Variants in C1orf146 observed in about 807,000 individuals in gnomAD.
C1orf146 encodes chromosome 1 open reading frame 146.
In C1orf146, 22 loss-of-function variants were observed where a neutral mutation model predicts 23.0. The ratio of observed to expected loss-of-function variants is 0.96; its 90% CI spans 0.68 to 1.36. The LOEUF (loss-of-function observed/expected upper bound fraction) is 1.36, where lower values mean the gene tolerates loss of function less well. Ranked by LOEUF, C1orf146 falls within the 40% of genes most tolerant of loss-of-function variation. The pLI, the probability that C1orf146 is intolerant of heterozygous loss-of-function variation, is 0.00. For missense variants in C1orf146, 199 were observed against 206.8 expected (o/e 0.96, Z 0.23); for synonymous variants, 59 against 65.3 (o/e 0.90, Z 0.47).
intron 4 of C1orf146, 102 bp from the exon 5 acceptor site, chr1:92,244,677 A>G (rs1652530658): frequency 1.3e-6 from 1 of 777,078 alleles, no homozygotes; most frequent in Admixed American, 2.2e-5. Context: ...ATGAATGCAT[A>G]GACAAATAAC....
intron 2 of C1orf146, among the ~76,000 whole-genome samples, chr1:92,235,828 C>A (rs1432591592): frequency 6.6e-6 from 1 of 152,122 alleles, no homozygotes; most frequent in African/African-American, 2.4e-5. Context: ...GGATAGTTAG[C>A]TCCTCTTGTT....
chr1:92,236,728 C>T (rs1247937292), intron 2 of C1orf146, among the ~76,000 whole-genome samples: 20 of 152,174 alleles, frequency 1.3e-4, no homozygotes, highest in African/African-American at 3.9e-4. Context: ...CCATTCTCCC[C>T]GTCACTTTCA....
At chr1:92,236,974 A>T (rs1431475406) in intron 2 of C1orf146, among the ~76,000 whole-genome samples, 2 of 152,080 alleles carry the variant, frequency 1.3e-5, no homozygotes, top group Non-Finnish European at 2.9e-5. Context: ...TCCTTTAAGC[A>T]CTTCTCTGTA....
chr1:92,227,373 T>G (rs1651992907), intron 1 of C1orf146, among the ~76,000 whole-genome samples: 1 of 152,122 alleles, frequency 6.6e-6, no homozygotes, highest in Non-Finnish European at 1.5e-5. Flanking sequence ...AAACCCTGTC[T>G]CTACTAAAAA....
chr1:92,236,579 T>G (rs1305913824), intron 2 of C1orf146, among the ~76,000 whole-genome samples: 1 of 152,156 alleles, frequency 6.6e-6, no homozygotes, highest in Non-Finnish European at 1.5e-5. Flanking sequence ...ATCTGACAAT[T>G]ATGTGTCTTG....
intron 1 of C1orf146, among the ~76,000 whole-genome samples, chr1:92,224,353 G>T (rs1162757861): frequency 2.0e-5 from 3 of 152,014 alleles, no homozygotes; most frequent in Non-Finnish European, 4.4e-5. Context: ...CGGCCAGAGA[G>T]AAGTTTTTAA....
chr1:92,241,138 A>G (rs898751868), intron 2 of C1orf146, among the ~76,000 whole-genome samples: 3 of 151,398 alleles, frequency 2.0e-5, no homozygotes, highest in Non-Finnish European at 2.9e-5. Context: ...ACAACCACCT[A>G]TTTTCCATAG....
chr1:92,228,660 C>G (rs1024611077), intron 1 of C1orf146, among the ~76,000 whole-genome samples: 1 of 152,162 alleles, frequency 6.6e-6, no homozygotes, highest in African/African-American at 2.4e-5. Flanking sequence ...CTGCACAGAT[C>G]GGAGACTGCT....
chr1:92,233,990 T>G (rs1376389728), intron 2 of C1orf146, among the ~76,000 whole-genome samples: 5 of 152,244 alleles, frequency 3.3e-5, no homozygotes, highest in Non-Finnish European at 7.3e-5. Context: ...AAGTTGCTTA[T>G]CAGCTTAAGG....
At chr1:92,233,634 C>T (rs1029829770) in intron 2 of C1orf146, among the ~76,000 whole-genome samples, 1 of 152,000 alleles carries the variant, frequency 6.6e-6, no homozygotes, top group African/African-American at 2.4e-5. Context: ...TAGTTTTTTC[C>T]AATTCTGTGA....
chr1:92,238,587 T>A (rs1652352816), intron 2 of C1orf146, among the ~76,000 whole-genome samples: 1 of 151,622 alleles, frequency 6.6e-6, no homozygotes, highest in Admixed American at 6.6e-5. Context: ...CTCAATTCAA[T>A]ACTTTCTAAT....
chr1:92,232,303 C>G (rs1045188456), intron 2 of C1orf146, among the ~76,000 whole-genome samples: 3 of 143,724 alleles, frequency 2.1e-5, no homozygotes, highest in African/African-American at 7.7e-5. Flanking sequence ...TGTTCCCCTT[C>G]CTGCGTCCAT....
intron 2 of C1orf146, among the ~76,000 whole-genome samples, chr1:92,231,879 G>C (rs944778350): frequency 2.6e-5 from 4 of 152,086 alleles, no homozygotes; most frequent in African/African-American, 9.7e-5. Context: ...TTATGGTTTG[G>C]AGAGGGAGAG....
intron 2 of C1orf146, among the ~76,000 whole-genome samples, chr1:92,232,919 G>A (rs1652169278): frequency 6.6e-6 from 1 of 152,164 alleles, no homozygotes; most frequent in African/African-American, 2.4e-5. Flanking sequence ...TTTGGGAAGT[G>A]TCTGTTCATG....
At chr1:92,220,544 G>T (rs1331416719) in intron 1 of C1orf146, among the ~76,000 whole-genome samples, 1 of 152,114 alleles carries the variant, frequency 6.6e-6, no homozygotes, top group African/African-American at 2.4e-5. Context: ...AATACTGTAG[G>T]CAACCTGCAT....
chr1:92,237,108 T>A (rs1652299345), intron 2 of C1orf146, among the ~76,000 whole-genome samples: 1 of 152,236 alleles, frequency 6.6e-6, no homozygotes, highest in African/African-American at 2.4e-5. Flanking sequence ...TCTCAACTCG[T>A]TAAAGTCATT....
Position 92,231,474 on chromosome 1 carries a change from C to T in C1orf146, c.54C>T (p.Ser18=). 6.2e-7 allele frequency: 1 copy of T among 1,610,036 alleles called. No individual in the cohort carries two copies. Among genetic ancestry groups the T allele is most frequent in the South Asian group, 1.1e-5 (1 of 90,136 alleles). The change falls in exon 2 of 6, where the codon AGC becomes AGT. Residue 18 remains serine, a synonymous_variant. Transcript: ENST00000370375. ...KIKWTTTIII[S]SSLKSYEVAT... is the part of the protein sequence containing the mutation. ...AATGGACAACCACCATTATTATTAG[C>T]TCATCTCTTAAGGTAAAGGGGCATT...
At chr1:92,245,146 T>C (rs72958746) in intron 5 of C1orf146, among the ~76,000 whole-genome samples, 8,379 of 152,218 alleles carry the variant, frequency 0.055, 627 homozygotes, top group African/African-American at 0.18. Flanking sequence ...GTTGGTCAGA[T>C]TGAAGTCATA....
intron 1 of C1orf146, among the ~76,000 whole-genome samples, chr1:92,226,777 G>GT (rs1429334214): frequency 1.3e-5 from 2 of 152,086 alleles, no homozygotes; most frequent in East Asian, 3.8e-4. Flanking sequence ...ATGTATTTGG[G>GT]TTTAGTATGC....
Sources: gnomAD v4.1 joint callset for allele counts (sites outside exome capture counted in the v4.1 genomes callset) on GRCh38, gnomAD v4.1.1 for gene constraint, MANE v1.5 for transcripts, NCBI Gene and HGNC (gene_info 2026-07-23, HGNC 2026-07-21) for gene names.